Variants in PHC1 observed in about 807,000 individuals in gnomAD.
The protein encoded by PHC1 is polyhomeotic homolog 1, also known as polyhomeotic-like protein 1.
PHC1 carries 12 observed loss-of-function variants against 104.3 expected under a neutral mutation model. That is an observed-to-expected ratio of 0.12 (90% CI 0.07 to 0.19). PHC1 has a LOEUF of 0.19. Ranked by LOEUF, PHC1 falls within the 10% of genes least tolerant of loss-of-function variation. The pLI, the probability that PHC1 is intolerant of heterozygous loss-of-function variation, is 1.00. For missense variants in PHC1, 671 were observed against 1,200.0 expected, an observed-to-expected ratio of 0.56 and a Z score of 6.51; for synonymous variants, 302 against 455.8, an observed-to-expected ratio of 0.66 and a Z score of 4.30.
intron 2 of PHC1, among the ~76,000 whole-genome samples, chr12:8,918,616 C>T (rs1945267683): frequency 6.6e-6 from 1 of 152,170 alleles, no homozygotes; most frequent in African/African-American, 2.4e-5. Flanking sequence ...TATAGGCACA[C>T]TCCACCATGC....
At chr12:8,916,220 G>T (rs542210570) in intron 1 of PHC1, among the ~76,000 whole-genome samples, 1 of 152,046 alleles carries the variant, frequency 6.6e-6, no homozygotes, top group Non-Finnish European at 1.5e-5. Flanking sequence ...CTAAAGACTG[G>T]GGGGGGATAA....
At chr12:8,933,831 CATCTT>C (rs1159747612) in intron 8 of PHC1, 29 bp from the exon 9 acceptor site, 1 of 1,571,564 alleles carries the variant, frequency 6.4e-7, no homozygotes, top group South Asian at 1.1e-5. Context: ...TTCATTTGTA[CATCTT>C]TGTTTCTTTC....
intron 6 of PHC1, among the ~76,000 whole-genome samples, chr12:8,929,734 G>C (rs760725289): frequency 1.3e-5 from 2 of 151,984 alleles, no homozygotes; most frequent in African/African-American, 4.8e-5. Context: ...TGCCCAGGCT[G>C]TTCTCGAACT....
Position 8,924,820 on chromosome 12 carries a change from G to A in PHC1, c.612+2032G>A, listed in dbSNP as rs1592195483. 1.3e-5 allele frequency among the ~76,000 whole-genome samples: 2 copies of A among 152,166 alleles called. 1 individual carries two copies. Among genetic ancestry groups the A allele is most frequent in the South Asian group, 4.1e-4 (2 of 4,826 alleles). ...GTCACAGGGATCATTGCTAGCTATTGAACAGCAGATTAACAAGATGAGGAA... is the reference window on the plus strand; with the variant it reads ...GTCACAGGGATCATTGCTAGCTATTAAACAGCAGATTAACAAGATGAGGAA... On this transcript the variant is annotated intron_variant, in intron 6 of 14. Coordinates refer to ENST00000544916, the MANE Select transcript of PHC1 (RefSeq NM_004426.3).
At chr12:8,936,437 C>G (rs1305817712) in intron 11 of PHC1, among the ~76,000 whole-genome samples, 1 of 152,080 alleles carries the variant, frequency 6.6e-6, no homozygotes, top group Non-Finnish European at 1.5e-5. Context: ...TCTTTAATTT[C>G]CAGTTCTCCT....
intron 6 of PHC1, among the ~76,000 whole-genome samples, chr12:8,927,065 A>G (rs1331374782): frequency 2.0e-5 from 3 of 152,216 alleles, no homozygotes; most frequent in African/African-American, 7.2e-5. Flanking sequence ...AAAGAGCAGC[A>G]GATAGGAAAA....
Position 8,921,634 on chromosome 12 carries a change from A to G in PHC1, c.340A>G (p.Ile114Val). 3 of 1,613,638 alleles carry G rather than the reference A, an allele frequency of 1.9e-6. No individual in the cohort carries two copies. The highest frequency in any genetic ancestry group is 2.5e-6 in the Non-Finnish European group (3 of 1,179,748). The change falls in exon 5 of 15, where the codon ATC becomes GTC. Residue 114 changes from isoleucine to valine, a missense_variant. Ile to Val is a conservative substitution (Grantham distance 29). This residue lies in a region of PHC1 where 237 missense variants were observed against 331.1 expected (regional missense o/e 0.72). Coordinates refer to ENST00000544916, the MANE Select transcript of PHC1 (RefSeq NM_004426.3). ...NLATTSAAQL[I>V]SRSQSVSSPS... ...GGCCACCACATCGGCCGCCCAGCTC[A>G]TCAGCCGATCCCAGAGTGTGAGCTC... is the stretch of plus-strand genomic sequence containing the variant.
intron 6 of PHC1, among the ~76,000 whole-genome samples, chr12:8,929,981 T>C (rs749974548): frequency 6.6e-6 from 1 of 152,326 alleles, no homozygotes; most frequent in South Asian, 2.1e-4. Context: ...TTCTCTGTAC[T>C]CCTATGGTAC....
At chr12:8,936,750 G>GA in intron 11 of PHC1, 106 bp from the exon 12 acceptor site, 1 of 669,726 alleles carries the variant, frequency 1.5e-6, no homozygotes, top group Non-Finnish European at 2.5e-6. Flanking sequence ...GTAGGTTTTT[G>GA]GGGGTGAACC....
At chr12:8,933,479 C>T (rs1945749108) in intron 8 of PHC1, 129 bp downstream of exon 8, 1 of 1,151,714 alleles carries the variant, frequency 8.7e-7, no homozygotes, top group East Asian at 2.6e-5. Flanking sequence ...TTATCTGCTT[C>T]TTCTGTAAGA....
chr12:8,936,605 G>A (rs1311973049), intron 11 of PHC1, among the ~76,000 whole-genome samples: 5 of 152,116 alleles, frequency 3.3e-5, no homozygotes. Context: ...TATGAATTAG[G>A]ATAAAATTAG....
rs1489744420 is a variant in PHC1 at position 8,930,542 on chromosome 12, C to T, written c.720C>T (p.Leu240=). 3 of 1,563,204 alleles carry T rather than the reference C, an allele frequency of 1.9e-6. No homozygotes were observed. The highest frequency in any genetic ancestry group is 2.7e-5 in the African/African-American group (2 of 73,280). The part of the protein sequence containing the change: ...IPPGASPVSS[L]SQASSQALAV... ...CAGGAGCCTCCCCTGTCTCTAGCCTCTCCCAGGCCTCTAGCCAGGCCCTAG... is the reference window on the plus strand; with the variant it reads ...CAGGAGCCTCCCCTGTCTCTAGCCTTTCCCAGGCCTCTAGCCAGGCCCTAG... Residue 240 remains leucine (L), a synonymous_variant, in exon 7 of 15, where the codon CTC becomes CTT. Transcript: ENST00000544916.
intron 1 of PHC1, among the ~76,000 whole-genome samples, chr12:8,917,062 A>G (rs1945224065): frequency 6.6e-6 from 1 of 152,248 alleles, no homozygotes; most frequent in African/African-American, 2.4e-5. Context: ...AAGACTTGAT[A>G]CTTACTAGGG....
At position 8,929,804 on chromosome 12, in the gene PHC1, G is replaced by A. The variant is rs762814491; in HGVS notation, c.613-631G>A. 3.5e-4 allele frequency among the ~76,000 whole-genome samples: 54 copies of A among 152,328 alleles called. 1 individual carries two copies. The highest frequency in any genetic ancestry group is 1.3e-3 in the African/African-American group (53 of 41,580). ...CAAAGTGTTGGGATTACAGGCATGA[G>A]TCATAGCGCCCAGCCTAAATAATAA... On this transcript the variant is annotated intron_variant, in intron 6 of 14. Coordinates refer to ENST00000544916, the MANE Select transcript of PHC1 (RefSeq NM_004426.3).
upstream of PHC1, chr12:8,914,498 C>G (rs1429961401): frequency 6.6e-6 from 1 of 151,526 alleles, no homozygotes; most frequent in Non-Finnish European, 1.5e-5. Context: ...CTCCCCGCAG[C>G]CCCCTCCTCC....
chr12:8,930,906 A>T lies in PHC1; in HGVS notation c.1084A>T (p.Ser362Cys). The change falls in exon 7 of 15, where the codon AGC (serine) becomes TGC (cysteine). Residue 362 changes from serine to cysteine, a missense_variant. This residue lies in a region of PHC1 where 78 missense variants were observed against 140.8 expected (regional missense o/e 0.55). Transcript: ENST00000544916. ...NLTRTATPAP[S>C]QTLISSATYT... ...GACACGGACAGCCACACCTGCGCCC[A>T]GCCAGACACTTATTAGCTCAGGTAA... 6.2e-7 allele frequency: 1 copy of T among 1,605,092 alleles called. No individual in the cohort carries two copies. The highest frequency in any genetic ancestry group is 8.5e-7 in the Non-Finnish European group (1 of 1,174,036).
intron 11 of PHC1, among the ~76,000 whole-genome samples, chr12:8,936,191 A>G (rs754184915): frequency 6.6e-6 from 1 of 152,304 alleles, no homozygotes; most frequent in Non-Finnish European, 1.5e-5. Flanking sequence ...GACCAGCCTG[A>G]GCAACATAGT....
At chr12:8,930,400 C>T in intron 6 of PHC1, 35 bp from the exon 7 acceptor site, 1 of 1,589,066 alleles carries the variant, frequency 6.3e-7, no homozygotes, top group South Asian at 1.1e-5. Context: ...GCCTCCAGTC[C>T]TCCTTTTCTC....
chr12:8,933,789 C>A, intron 8 of PHC1, 76 bp from the exon 9 acceptor site: 1 of 1,268,518 alleles, frequency 7.9e-7, no homozygotes, highest in Non-Finnish European at 1.1e-6. Flanking sequence ...TTTCTTTGAA[C>A]ATATGGTAAT....
Sources: gnomAD v4.1 joint callset for allele counts (sites outside exome capture counted in the v4.1 genomes callset) on GRCh38, gnomAD v4.1.1 for gene constraint, gnomAD v4.1.1 regional missense constraint, MANE v1.5 for transcripts, NCBI Gene and HGNC (gene_info 2026-07-23, HGNC 2026-07-21) for gene names.